Variants in KLF8 observed in about 807,000 individuals in gnomAD.
The protein encoded by KLF8 is Krueppel-like factor 8.
Under a neutral mutation model 18.2 loss-of-function variants are expected in KLF8, and 10 were observed. That is an observed-to-expected ratio of 0.55 (90% CI 0.34 to 0.93). The LOEUF is 0.93. KLF8 is among the 40% of genes least tolerant of loss of function. The pLI, the probability that KLF8 is intolerant of heterozygous loss-of-function variation, is 0.02. For missense variants in KLF8, 264 were observed against 277.9 expected, an observed-to-expected ratio of 0.95 and a Z score of 0.36; for synonymous variants, 109 against 97.3, an observed-to-expected ratio of 1.12 and a Z score of -0.71.
the KLF8 span, among the ~76,000 whole-genome samples, chrX:56,004,976 G>A: frequency 1.8e-5 from 2 of 110,712 alleles, no homozygotes; most frequent in Non-Finnish European, 3.8e-5. Flanking sequence ...ATTAATGACT[G>A]CTAGCCCAGA....
chrX:56,182,113 T>A, the KLF8 span, among the ~76,000 whole-genome samples: 1 of 111,756 alleles, frequency 8.9e-6, no homozygotes, highest in Non-Finnish European at 1.9e-5. Context: ...AGACATAGAT[T>A]TGGTCTTTTC....
the KLF8 span, among the ~76,000 whole-genome samples, chrX:55,921,200 T>C: frequency 8.9e-6 from 1 of 112,400 alleles, no homozygotes; most frequent in Admixed American, 9.4e-5. Context: ...TTAATTCATC[T>C]TGAGTCAATT....
chrX:56,112,343 G>C, the KLF8 span, among the ~76,000 whole-genome samples: 2 of 111,119 alleles, frequency 1.8e-5, no homozygotes, highest in East Asian at 5.7e-4. Context: ...GGAGTGGGGG[G>C]CTGGGGGAGA....
the KLF8 span, among the ~76,000 whole-genome samples, chrX:56,104,508 T>C: frequency 0.077 from 8,585 of 111,494 alleles, 807 homozygotes; most frequent in African/African-American, 0.27. Context: ...TGCATAGAGG[T>C]GTTTATAGTA....
the KLF8 span, among the ~76,000 whole-genome samples, chrX:56,178,563 C>T: frequency 8.9e-6 from 1 of 112,324 alleles, no homozygotes; most frequent in Non-Finnish European, 1.9e-5. Flanking sequence ...TTGCCCATGC[C>T]TATGCCCTGA....
the KLF8 span, among the ~76,000 whole-genome samples, chrX:56,108,667 A>G: frequency 9.0e-6 from 1 of 110,713 alleles, no homozygotes; most frequent in Non-Finnish European, 1.9e-5. Context: ...TTTTTTTCCT[A>G]TTGCTTTTCT....
At chrX:56,172,876 A>G in the KLF8 span, among the ~76,000 whole-genome samples, 1 of 111,609 alleles carries the variant, frequency 9.0e-6, no homozygotes, top group Non-Finnish European at 1.9e-5. Flanking sequence ...GCATTTTTTC[A>G]TGTGTCTTTT....
chrX:56,120,508 G>A, the KLF8 span, among the ~76,000 whole-genome samples: 331 of 111,916 alleles, frequency 3.0e-3, no homozygotes, highest in African/African-American at 0.01. Context: ...GCTCAAAAGA[G>A]AGATGAAAGA....
At chrX:55,949,104 C>T in the KLF8 span, among the ~76,000 whole-genome samples, 1 of 111,904 alleles carries the variant, frequency 8.9e-6, no homozygotes, top group Non-Finnish European at 1.9e-5. Context: ...TCTTGCTTTA[C>T]AGGGCAAGGC....
At chrX:55,923,582 C>T in the KLF8 span, among the ~76,000 whole-genome samples, 1 of 111,049 alleles carries the variant, frequency 9.0e-6, no homozygotes, top group South Asian at 3.8e-4. Context: ...CTTTTTCAGC[C>T]CAGACTGGCA....
the KLF8 span, among the ~76,000 whole-genome samples, chrX:56,222,288 C>T: frequency 9.4e-6 from 1 of 106,815 alleles, no homozygotes; most frequent in South Asian, 4.1e-4. Flanking sequence ...ACCTTGAGCT[C>T]GATAGAGAGT....
chrX:56,260,830 G>T (rs770225655), intron 2 of KLF8, among the ~76,000 whole-genome samples: 3 of 112,032 alleles, frequency 2.7e-5, no homozygotes, highest in Non-Finnish European at 5.6e-5. Context: ...ACAAAAACAG[G>T]TTTCCTCTTT....
the KLF8 span, among the ~76,000 whole-genome samples, chrX:55,913,724 G>A: frequency 9.0e-6 from 1 of 111,728 alleles, no homozygotes; most frequent in African/African-American, 3.3e-5. Flanking sequence ...AGCAGCCCTC[G>A]GAAATGAATA....
the KLF8 span, among the ~76,000 whole-genome samples, chrX:56,201,808 G>A: frequency 3.6e-5 from 4 of 111,214 alleles, no homozygotes; most frequent in Non-Finnish European, 5.7e-5. Context: ...ATTAATAGAG[G>A]CTCATCAAAA....
chrX:56,080,845 T>C, the KLF8 span, among the ~76,000 whole-genome samples: 14 of 111,096 alleles, frequency 1.3e-4, no homozygotes, highest in Non-Finnish European at 2.1e-4. Flanking sequence ...GCTTAGCTCA[T>C]TTATTTTTAT....
chrX:56,133,728 A>T, the KLF8 span, among the ~76,000 whole-genome samples: 30 of 111,317 alleles, frequency 2.7e-4, no homozygotes, highest in Admixed American at 4.8e-4. Flanking sequence ...TCAAACTATA[A>T]CTGTTTTCTG....
At chrX:56,008,210 G>C in the KLF8 span, among the ~76,000 whole-genome samples, 56,749 of 107,269 alleles carry the variant, frequency 0.53, 13,673 homozygotes, top group East Asian at 0.75. Flanking sequence ...ATTTCAATTA[G>C]TGAAAATAAA....
At chrX:56,067,883 G>T in the KLF8 span, among the ~76,000 whole-genome samples, 1 of 112,597 alleles carries the variant, frequency 8.9e-6, no homozygotes, top group African/African-American at 3.2e-5. Flanking sequence ...GGCCAAAGTG[G>T]CAGTATCTGG....
chrX:56,089,248 G>C, the KLF8 span, among the ~76,000 whole-genome samples: 12 of 111,424 alleles, frequency 1.1e-4, no homozygotes, highest in Non-Finnish European at 1.1e-4. Flanking sequence ...GGGAAAGAAA[G>C]GCAAAGTAAT....
Sources: gnomAD v4.1 joint callset for allele counts (sites outside exome capture counted in the v4.1 genomes callset) on GRCh38, gnomAD v4.1.1 for gene constraint, MANE v1.5 for transcripts, NCBI Gene and HGNC (gene_info 2026-07-23, HGNC 2026-07-21) for gene names.